The following UBE3D variants were observed in gnomAD, a reference collection of about 807,000 sequenced individuals.
UBE3D encodes ubiquitin protein ligase E3D.
In UBE3D, 48 loss-of-function variants were observed where a neutral mutation model predicts 49.6. The ratio of observed to expected loss-of-function variants is 0.97; its 90% CI spans 0.77 to 1.23. The LOEUF (loss-of-function observed/expected upper bound fraction) is 1.23, where lower values mean the gene tolerates loss of function less well. UBE3D is among the 50% of genes most tolerant of loss of function. The pLI is 0.00. For missense variants in UBE3D, 452 were observed against 468.4 expected, an observed-to-expected ratio of 0.96 and a Z score of 0.32; for synonymous variants, 189 against 174.2, an observed-to-expected ratio of 1.08 and a Z score of -0.67.
rs551358075 is a variant in UBE3D at position 82,975,829 on chromosome 6, A to C, written c.1011-18379T>G. 3.9e-5 allele frequency among the ~76,000 whole-genome samples: 6 copies of C among 152,312 alleles called. 1 individual carries two copies. Among genetic ancestry groups the C allele is most frequent in the African/African-American group, 1.4e-4 (6 of 41,588 alleles). ...TCAGTCAAGTTGCTATAGATATTAA[A>C]AAATGTATTACCTATAAATTGACAA... is the stretch of plus-strand genomic sequence containing the variant. On this transcript the variant is annotated intron_variant, in intron 8 of 9. Coordinates refer to ENST00000369747, the MANE Select transcript of UBE3D (RefSeq NM_198920.3).
chr6:83,045,523 T>A (rs1030405442), intron 3 of UBE3D, among the ~76,000 whole-genome samples: 8 of 151,842 alleles, frequency 5.3e-5, no homozygotes, highest in Admixed American at 1.3e-4. Flanking sequence ...AGTATTAGCC[T>A]CATGCTTATT....
intron 8 of UBE3D, among the ~76,000 whole-genome samples, chr6:82,988,202 A>G (rs1778652667): frequency 6.6e-6 from 1 of 152,192 alleles, no homozygotes; most frequent in Non-Finnish European, 1.5e-5. Flanking sequence ...GGGGAAGGAT[A>G]AAAGAGAACG....
chr6:83,012,950 A>T (rs1164819317), intron 8 of UBE3D, among the ~76,000 whole-genome samples: 1 of 152,168 alleles, frequency 6.6e-6, no homozygotes, highest in Non-Finnish European at 1.5e-5. Context: ...ACTAGGCCCT[A>T]GTCTTCTCTT....
intron 9 of UBE3D, among the ~76,000 whole-genome samples, chr6:82,951,259 A>T (rs1228574386): frequency 6.6e-6 from 1 of 152,168 alleles, no homozygotes; most frequent in Admixed American, 6.5e-5. Context: ...AATTAAGAAT[A>T]AACAAAATAG....
At chr6:83,045,562 T>A (rs950962257) in intron 3 of UBE3D, among the ~76,000 whole-genome samples, 1 of 152,196 alleles carries the variant, frequency 6.6e-6, no homozygotes, top group Non-Finnish European at 1.5e-5. Context: ...TTGGTGTTAC[T>A]GCCTTTTATT....
At chr6:83,042,154 C>T (rs1488766258) in intron 4 of UBE3D, among the ~76,000 whole-genome samples, 3 of 152,088 alleles carry the variant, frequency 2.0e-5, no homozygotes, top group African/African-American at 2.4e-5. Context: ...ATGATCCACC[C>T]GCCTCAACCT....
intron 9 of UBE3D, among the ~76,000 whole-genome samples, chr6:82,922,707 T>C (rs1376935840): frequency 2.6e-5 from 4 of 151,872 alleles, no homozygotes; most frequent in African/African-American, 9.7e-5. Flanking sequence ...AAAGCCAAGA[T>C]TGACAAATGG....
chr6:83,040,271 C>A (rs1302113682), intron 4 of UBE3D, among the ~76,000 whole-genome samples: 1 of 151,902 alleles, frequency 6.6e-6, no homozygotes, highest in African/African-American at 2.4e-5. Flanking sequence ...GTAGTCCCAG[C>A]TACTCAGGAG....
intron 9 of UBE3D, among the ~76,000 whole-genome samples, chr6:82,897,362 G>GGGTGGATCACCTGAGGTC (rs1771405539): frequency 6.6e-6 from 1 of 151,974 alleles, no homozygotes; most frequent in African/African-American, 2.4e-5. Context: ...AGGCTGAGGT[G>GGGTGGATCACCTGAGGTC]GGTGGATCAC....
At chr6:82,976,360 T>G (rs1777715581) in intron 8 of UBE3D, among the ~76,000 whole-genome samples, 2 of 152,220 alleles carry the variant, frequency 1.3e-5, no homozygotes, top group African/African-American at 4.8e-5. Flanking sequence ...TTTCCAAAAT[T>G]AAAATATTCT....
At chr6:82,917,237 AAAGG>A (rs1772983818) in intron 9 of UBE3D, among the ~76,000 whole-genome samples, 2 of 152,158 alleles carry the variant, frequency 1.3e-5, no homozygotes, top group Admixed American at 1.3e-4. Flanking sequence ...AAGAAAGGAG[AAAGG>A]AAGGAAGGCA....
At chr6:82,945,902 TAGG>T (rs1378169452) in intron 9 of UBE3D, among the ~76,000 whole-genome samples, 1 of 152,118 alleles carries the variant, frequency 6.6e-6, no homozygotes, top group Non-Finnish European at 1.5e-5. Flanking sequence ...AGTCTCTTAA[TAGG>T]AGAATTGATT....
intron 9 of UBE3D, chr6:82,894,131 T>C (rs927907627): frequency 6.6e-6 from 1 of 152,236 alleles, no homozygotes; most frequent in Non-Finnish European, 1.5e-5. Context: ...AAGAGCTTAC[T>C]GTGAAGCTCA....
At chr6:82,956,541 G>A (rs1481075396) in intron 9 of UBE3D, among the ~76,000 whole-genome samples, 1 of 152,160 alleles carries the variant, frequency 6.6e-6, no homozygotes, top group Non-Finnish European at 1.5e-5. Flanking sequence ...GAGGGAAATG[G>A]CTCAGAAAGT....
chr6:82,902,841 T>G (rs1273912136), intron 9 of UBE3D, among the ~76,000 whole-genome samples: 1 of 152,186 alleles, frequency 6.6e-6, no homozygotes, highest in Non-Finnish European at 1.5e-5. Flanking sequence ...AGAAATTAAG[T>G]GCCAAGCATG....
chr6:82,992,900 G>A (rs1322980686), intron 8 of UBE3D, among the ~76,000 whole-genome samples: 1 of 151,932 alleles, frequency 6.6e-6, no homozygotes, highest in Admixed American at 6.6e-5. Flanking sequence ...GATAAGTGGC[G>A]ATGGTTTACA....
chr6:82,943,804 G>A (rs1371945516), intron 9 of UBE3D, among the ~76,000 whole-genome samples: 1 of 151,814 alleles, frequency 6.6e-6, no homozygotes, highest in Admixed American at 6.6e-5. Flanking sequence ...AGAGAAATCT[G>A]TGCTCTTGAA....
At chr6:83,013,240 C>T (rs1034536227) in intron 8 of UBE3D, among the ~76,000 whole-genome samples, 2 of 152,194 alleles carry the variant, frequency 1.3e-5, no homozygotes, top group African/African-American at 4.8e-5. Context: ...GATTCATAGT[C>T]AAATATCCAG....
chr6:83,032,535 G>A (rs933271854), intron 5 of UBE3D, among the ~76,000 whole-genome samples: 13 of 152,200 alleles, frequency 8.5e-5, no homozygotes, highest in South Asian at 2.1e-4. Flanking sequence ...CCTTGTATCC[G>A]ATGAGACTTT....
Sources: gnomAD v4.1 joint callset for allele counts (sites outside exome capture counted in the v4.1 genomes callset) on GRCh38, gnomAD v4.1.1 for gene constraint, MANE v1.5 for transcripts, NCBI Gene and HGNC (gene_info 2026-07-23, HGNC 2026-07-21) for gene names.